The following SUGCT variants were observed in gnomAD, a reference collection of about 807,000 sequenced individuals.
SUGCT encodes succinyl-CoA:glutarate-CoA transferase.
SUGCT carries 41 observed loss-of-function variants against 55.0 expected under a neutral mutation model. That is an observed-to-expected ratio of 0.74 (90% CI 0.58 to 0.97). The LOEUF is 0.97. SUGCT is among the 50% of genes least tolerant of loss of function. The probability of loss-of-function intolerance (pLI) is 0.00; values close to 1 mark genes in which losing one functional copy is unlikely to be tolerated. For missense variants in SUGCT, 568 were observed against 547.8 expected (o/e 1.04, Z -0.37); for synonymous variants, 187 against 200.4 (o/e 0.93, Z 0.56).
chr7:40,676,677 A>G (rs533817980), intron 12 of SUGCT, among the ~76,000 whole-genome samples: 1 of 151,706 alleles, frequency 6.6e-6, no homozygotes, highest in Non-Finnish European at 1.5e-5. Flanking sequence ...TAATTTTTGT[A>G]TTTTTAGTAG....
chr7:40,767,960 T>G (rs993908395), intron 13 of SUGCT, among the ~76,000 whole-genome samples: 4 of 152,102 alleles, frequency 2.6e-5, no homozygotes, highest in Non-Finnish European at 5.9e-5. Flanking sequence ...TTTCAAAACT[T>G]GAACAAAAGG....
intron 9 of SUGCT, among the ~76,000 whole-genome samples, chr7:40,440,146 T>G (rs1255736010): frequency 0.012 from 27 of 2,278 alleles, no homozygotes; most frequent in South Asian, 0.025. Flanking sequence ...TGTGTGTGTG[T>G]TTTTTTTTTT....
rs139075420 is a variant in SUGCT at position 40,554,721 on chromosome 7, C to T, written c.1089+58335C>T. ...TATTCTTAATTTATGTCATATATGT[C>T]AGTTTCTCATATATTTTCCTCCTAT... On this transcript the variant is annotated intron_variant, in intron 12 of 13. Transcript: ENST00000335693. 1.3e-4 allele frequency among the ~76,000 whole-genome samples: 20 copies of T among 152,272 alleles called. No homozygotes were observed. In the East Asian group the frequency reaches 3.7e-3, roughly 28 times the overall value.
chr7:40,353,332 T>C (rs1389049526), intron 9 of SUGCT, among the ~76,000 whole-genome samples: 1 of 152,124 alleles, frequency 6.6e-6, no homozygotes, highest in Non-Finnish European at 1.5e-5. Flanking sequence ...ACCCAGGAGC[T>C]TCATATTACT....
chr7:41,028,771 T>C, the SUGCT span, among the ~76,000 whole-genome samples: 1 of 152,224 alleles, frequency 6.6e-6, no homozygotes, highest in Non-Finnish European at 1.5e-5. Flanking sequence ...ATGATTCAGC[T>C]CTCTGGCTCT....
chr7:40,161,308 TCCTTTC>T (rs1207835067), intron 1 of SUGCT, among the ~76,000 whole-genome samples: 1 of 152,156 alleles, frequency 6.6e-6, no homozygotes, highest in Admixed American at 6.5e-5. Context: ...AGCTGCCTCT[TCCTTTC>T]CCTTCTATTC....
At chr7:40,420,525 G>A (rs1302985675) in intron 9 of SUGCT, among the ~76,000 whole-genome samples, 1 of 152,026 alleles carries the variant, frequency 6.6e-6, no homozygotes, top group Non-Finnish European at 1.5e-5. Flanking sequence ...TTTTAGTAGA[G>A]ACAACGTTTC....
At chr7:40,218,155 G>T (rs989542238) in intron 6 of SUGCT, among the ~76,000 whole-genome samples, 2 of 152,196 alleles carry the variant, frequency 1.3e-5, no homozygotes, top group African/African-American at 4.8e-5. Flanking sequence ...AGAGGCTGCC[G>T]TGAGCTGACA....
intron 13 of SUGCT, among the ~76,000 whole-genome samples, chr7:40,831,851 A>G (rs1027377148): frequency 6.6e-6 from 1 of 152,200 alleles, no homozygotes; most frequent in African/African-American, 2.4e-5. Flanking sequence ...TACCAGGCAT[A>G]TTAAGGAGGA....
At chr7:40,795,318 A>G (rs183046818) in intron 13 of SUGCT, among the ~76,000 whole-genome samples, 14 of 152,282 alleles carry the variant, frequency 9.2e-5, no homozygotes, top group Admixed American at 7.8e-4. Flanking sequence ...TATTACCACA[A>G]TGAAACATTT....
chr7:40,440,105 T>C (rs551807289), intron 9 of SUGCT, among the ~76,000 whole-genome samples: 2 of 150,224 alleles, frequency 1.3e-5, no homozygotes, highest in South Asian at 2.1e-4. Flanking sequence ...CAATTATAGA[T>C]AATAAGCAAA....
At chr7:40,589,996 T>C (rs968813326) in intron 12 of SUGCT, among the ~76,000 whole-genome samples, 4 of 152,286 alleles carry the variant, frequency 2.6e-5, no homozygotes, top group Middle Eastern at 3.4e-3. Context: ...CTGGTGCCAA[T>C]GTTTGAACAT....
At chr7:40,233,948 C>G (rs1788864424) in intron 6 of SUGCT, among the ~76,000 whole-genome samples, 1 of 152,094 alleles carries the variant, frequency 6.6e-6, no homozygotes, top group African/African-American at 2.4e-5. Context: ...TAAAACTCCC[C>G]TTTTTCCCTA....
At chr7:41,013,981 T>C in the SUGCT span, among the ~76,000 whole-genome samples, 1 of 152,088 alleles carries the variant, frequency 6.6e-6, no homozygotes, top group East Asian at 1.9e-4. Context: ...GGTTCACACA[T>C]AGGGATAATT....
chr7:40,529,845 G>A (rs1467883527), intron 12 of SUGCT, among the ~76,000 whole-genome samples: 2 of 152,110 alleles, frequency 1.3e-5, no homozygotes, highest in African/African-American at 4.8e-5. Flanking sequence ...ATGAATTGTA[G>A]AAAATAAACT....
chr7:40,847,309 A>G (rs918119428), intron 13 of SUGCT, among the ~76,000 whole-genome samples: 12 of 152,046 alleles, frequency 7.9e-5, no homozygotes, highest in African/African-American at 2.9e-4. Context: ...AACAGTCACC[A>G]TTCTCACACA....
At chr7:40,257,164 C>A (rs1474501584) in intron 7 of SUGCT, among the ~76,000 whole-genome samples, 3 of 152,188 alleles carry the variant, frequency 2.0e-5, no homozygotes, top group Admixed American at 2.0e-4. Context: ...CCTCCCTCAG[C>A]CTCCCGAGTA....
intron 12 of SUGCT, among the ~76,000 whole-genome samples, chr7:40,696,855 AG>A (rs1224067552): frequency 2.0e-5 from 3 of 152,218 alleles, no homozygotes; most frequent in African/African-American, 7.2e-5. Flanking sequence ...TAAGCAGCCT[AG>A]GGAAGGCAAA....
At chr7:40,241,408 G>A (rs941638011) in intron 7 of SUGCT, among the ~76,000 whole-genome samples, 1 of 151,472 alleles carries the variant, frequency 6.6e-6, no homozygotes, top group African/African-American at 2.4e-5. Context: ...GTGAAACCCC[G>A]TCTCTACTAA....
Sources: allele counts gnomAD v4.1 joint callset (sites outside exome capture counted in the v4.1 genomes callset), GRCh38; gene constraint gnomAD v4.1.1; transcripts MANE v1.5; gene names NCBI Gene and HGNC (gene_info 2026-07-23, HGNC 2026-07-21).